The following LSAMP variants were observed in gnomAD, a reference collection of about 807,000 sequenced individuals.
LSAMP encodes limbic system associated membrane protein.
In LSAMP, 7 loss-of-function variants were observed where a neutral mutation model predicts 38.6. The ratio of observed to expected loss-of-function variants is 0.18; its 90% CI spans 0.10 to 0.34. The LOEUF (loss-of-function observed/expected upper bound fraction) is 0.34, where lower values mean the gene tolerates loss of function less well. Ranked by LOEUF, LSAMP falls within the 10% of genes least tolerant of loss-of-function variation. The pLI is 1.00. For synonymous variants in LSAMP, 154 were observed against 166.8 expected (o/e 0.92, Z 0.59); for missense variants, 313 against 420.0 (o/e 0.75, Z 2.23).
At chr3:116,120,713 T>G (rs1708855136) in intron 1 of LSAMP, among the ~76,000 whole-genome samples, 1 of 152,142 alleles carries the variant, frequency 6.6e-6, no homozygotes, top group Non-Finnish European at 1.5e-5. Flanking sequence ...TTTGAAAACA[T>G]AACCAAGGCT....
At chr3:116,436,396 G>T (rs2049349056) in intron 1 of LSAMP, among the ~76,000 whole-genome samples, 1 of 152,164 alleles carries the variant, frequency 6.6e-6, no homozygotes, top group East Asian at 1.9e-4. Context: ...GGAACAGTCA[G>T]CAGAGCAAAC....
At chr3:115,943,482 C>T (rs573725321) in intron 3 of LSAMP, among the ~76,000 whole-genome samples, 1 of 152,292 alleles carries the variant, frequency 6.6e-6, no homozygotes, top group East Asian at 1.9e-4. Context: ...TCTTACTGCT[C>T]TGCTCCTATA....
Position 115,824,758 on chromosome 3 carries a change from T to C in LSAMP, c.920-14344A>G, listed in dbSNP as rs143111033. ...AGCTTCCGGACCTAAATCTACTTAG[T>C]TGTTGATTCTTCTTAGTTGTTAAAA... On this transcript the variant is annotated intron_variant, in intron 6 of 6. Coordinates refer to ENST00000490035, the MANE Select transcript of LSAMP (RefSeq NM_002338.5). 1.8e-3 allele frequency among the ~76,000 whole-genome samples: 266 copies of C among 151,534 alleles called. 3 individuals are homozygous for C. The highest frequency in any genetic ancestry group is 5.9e-3 in the African/African-American group (242 of 41,352).
At chr3:115,815,235 C>T (rs572437694) in intron 6 of LSAMP, among the ~76,000 whole-genome samples, 24 of 152,152 alleles carry the variant, frequency 1.6e-4, no homozygotes, top group African/African-American at 5.5e-4. Flanking sequence ...TAATCTCTTA[C>T]GGGGCCTAAT....
intron 1 of LSAMP, among the ~76,000 whole-genome samples, chr3:116,116,435 A>T (rs1708747399): frequency 6.6e-6 from 1 of 151,088 alleles, no homozygotes; most frequent in African/African-American, 2.4e-5. Context: ...AGTGGCTCAC[A>T]CCTGTAATCC....
At chr3:116,256,105 G>T (rs899081658) in intron 1 of LSAMP, among the ~76,000 whole-genome samples, 2 of 152,144 alleles carry the variant, frequency 1.3e-5, no homozygotes, top group African/African-American at 4.8e-5. Context: ...AAGTCGAGTT[G>T]TTAATAGAAT....
At chr3:116,195,760 A>G (rs867538220) in intron 1 of LSAMP, among the ~76,000 whole-genome samples, 10 of 151,906 alleles carry the variant, frequency 6.6e-5, no homozygotes, top group South Asian at 2.1e-4. Context: ...TTCATAAAGC[A>G]GTGTTTTGCA....
intron 1 of LSAMP, among the ~76,000 whole-genome samples, chr3:116,421,555 AGAAG>A (rs1324771460): frequency 5.9e-5 from 4 of 68,114 alleles, no homozygotes; most frequent in Non-Finnish European, 8.9e-5. Flanking sequence ...AAAAAAAAAA[AGAAG>A]AAGAAGAAGA....
At chr3:116,160,797 A>G (rs996537893) in intron 1 of LSAMP, among the ~76,000 whole-genome samples, 4 of 152,238 alleles carry the variant, frequency 2.6e-5, no homozygotes, top group Admixed American at 6.5e-5. Context: ...AGAACATTTA[A>G]GAAGTTTGTT....
intron 2 of LSAMP, chr3:116,051,368 C>T (rs991696377): frequency 3.3e-5 from 5 of 152,226 alleles, no homozygotes; most frequent in African/African-American, 1.2e-4. Flanking sequence ...GAATCTTCTC[C>T]TGAGATGACT....
At chr3:116,364,014 C>G (rs1426803118) in intron 1 of LSAMP, among the ~76,000 whole-genome samples, 1 of 23,548 alleles carries the variant, frequency 4.2e-5, no homozygotes, top group Non-Finnish European at 7.4e-5. Context: ...CTGGCCAGGG[C>G]AATCAGGCAG....
intron 1 of LSAMP, among the ~76,000 whole-genome samples, chr3:116,343,248 C>T (rs531370815): frequency 6.6e-6 from 1 of 152,182 alleles, no homozygotes; most frequent in East Asian, 1.9e-4. Context: ...CAGACATCTG[C>T]TGTAGAGCAA....
At chr3:116,290,542 C>T (rs1045220322) in intron 1 of LSAMP, among the ~76,000 whole-genome samples, 2 of 151,708 alleles carry the variant, frequency 1.3e-5, no homozygotes, top group Non-Finnish European at 2.9e-5. Context: ...CCAGCCTGAC[C>T]AACATGGTAA....
intron 1 of LSAMP, among the ~76,000 whole-genome samples, chr3:116,088,046 A>C (rs1470927373): frequency 6.6e-6 from 1 of 151,784 alleles, no homozygotes; most frequent in African/African-American, 2.4e-5. Flanking sequence ...GGTGCATGCC[A>C]CCAGGACTAG....
At chr3:116,326,372 A>C (rs1157774980) in intron 1 of LSAMP, among the ~76,000 whole-genome samples, 1 of 152,168 alleles carries the variant, frequency 6.6e-6, no homozygotes, top group Non-Finnish European at 1.5e-5. Context: ...AAACTTCCCT[A>C]AGATTCACCA....
chr3:115,979,508 A>G (rs1939295859), intron 3 of LSAMP, among the ~76,000 whole-genome samples: 1 of 152,188 alleles, frequency 6.6e-6, no homozygotes, highest in South Asian at 2.1e-4. Context: ...GATATGAGAA[A>G]GCATGGCTTT....
At chr3:116,417,756 T>C (rs1300651378) in intron 1 of LSAMP, among the ~76,000 whole-genome samples, 3 of 152,224 alleles carry the variant, frequency 2.0e-5, no homozygotes, top group African/African-American at 7.2e-5. Context: ...CTGTCAGTCC[T>C]GATTATAATA....
At chr3:116,115,942 T>C (rs553637832) in intron 1 of LSAMP, among the ~76,000 whole-genome samples, 39 of 152,118 alleles carry the variant, frequency 2.6e-4, no homozygotes, top group African/African-American at 9.1e-4. Flanking sequence ...TCCACCCCTT[T>C]CAATCCTTTC....
intron 1 of LSAMP, among the ~76,000 whole-genome samples, chr3:116,259,893 G>A (rs528941333): frequency 6.6e-6 from 1 of 152,226 alleles, no homozygotes; most frequent in African/African-American, 2.4e-5. Context: ...CAGCATCACA[G>A]CTTGCTTTCT....
Sources: allele counts gnomAD v4.1 joint callset (sites outside exome capture counted in the v4.1 genomes callset), GRCh38; gene constraint gnomAD v4.1.1; transcripts MANE v1.5; gene names NCBI Gene and HGNC (gene_info 2026-07-23, HGNC 2026-07-21).